MSI1: variants seen among roughly 807,000 people sequenced by gnomAD.
The protein encoded by MSI1 is RNA-binding protein Musashi homolog 1.
MSI1 carries 15 observed loss-of-function variants against 54.4 expected under a neutral mutation model. The observed-to-expected ratio is 0.28, with a 90% CI of 0.18 to 0.42. MSI1 has a LOEUF of 0.42. Ranked by LOEUF, MSI1 falls within the 20% of genes least tolerant of loss-of-function variation. The pLI is 1.00. For missense variants in MSI1, 304 were observed against 506.0 expected, an observed-to-expected ratio of 0.60 and a Z score of 3.83; for synonymous variants, 200 against 196.5, an observed-to-expected ratio of 1.02 and a Z score of -0.15.
chr12:120,353,540 C>T (rs1338944326), intron 9 of MSI1, among the ~76,000 whole-genome samples, 161 bp from the exon 10 acceptor site: 1 of 152,234 alleles, frequency 6.6e-6, no homozygotes, highest in African/African-American at 2.4e-5. Context: ...GCCAAGCACA[C>T]TGCACACTAT....
intron 9 of MSI1, among the ~76,000 whole-genome samples, chr12:120,355,144 G>A (rs1197995399): frequency 6.6e-6 from 1 of 151,130 alleles, no homozygotes. Context: ...GGTGGCTCAC[G>A]CCTGTAATCC....
At chr12:120,357,921 A>G in intron 7 of MSI1, 23 bp from the exon 8 acceptor site, 1 of 1,611,530 alleles carries the variant, frequency 6.2e-7, no homozygotes, top group Non-Finnish European at 8.5e-7. Context: ...CAAAGGATAA[A>G]GGCAAGGTCA....
In MSI1 at chr12:120,368,293, T is replaced by G; in HGVS notation, c.101-20A>C. ...GCCCTTCTGTAACCACACACCCGCC[T>G]TCGGACCAGCCCGGGCCCCGCGCCC... On this transcript the variant is annotated intron_variant, in intron 2 of 14. Coordinates refer to ENST00000257552, the MANE Select transcript of MSI1 (RefSeq NM_002442.4). This position sits in a 1 kb window ranked among gnomAD's most constrained non-coding sequence, Gnocchi z 6.6. The G allele has an allele frequency of 6.4e-7, 1 of 1,551,286 alleles. No homozygotes were observed. Among genetic ancestry groups the G allele is most frequent in the South Asian group, 1.2e-5 (1 of 84,320 alleles).
At chr12:120,359,115 A>C (rs1875412326) in intron 6 of MSI1, 62 bp from the exon 7 acceptor site, 2 of 1,545,670 alleles carry the variant, frequency 1.3e-6, no homozygotes, top group African/African-American at 2.7e-5. Context: ...ACCACCAAGG[A>C]ACAGGGGCTC....
At chr12:120,361,913 G>A (rs1197775632) in intron 6 of MSI1, among the ~76,000 whole-genome samples, 1 of 151,818 alleles carries the variant, frequency 6.6e-6, no homozygotes, top group African/African-American at 2.4e-5. Context: ...CGCCGGCCCC[G>A]GGGGCAGGCG....
At chr12:120,360,237 AG>A (rs1295369811) in intron 6 of MSI1, among the ~76,000 whole-genome samples, 1 of 152,136 alleles carries the variant, frequency 6.6e-6, no homozygotes, top group Non-Finnish European at 1.5e-5. Flanking sequence ...CACCCGCCTC[AG>A]CCTCCCAAAG....
intron 10 of MSI1, 119 bp downstream of exon 10, chr12:120,353,180 C>T: frequency 1.0e-6 from 1 of 979,900 alleles, no homozygotes; most frequent in Non-Finnish European, 1.6e-6. Context: ...CATGCCCTTC[C>T]TTCCAAGCCT....
At position 120,346,201 on chromosome 12, in the gene MSI1, C is replaced by T. The variant is rs373863588; in HGVS notation, c.981G>A (p.Ser327=). Residue 327 remains serine, a synonymous_variant, in exon 13 of 15, where the codon TCG becomes TCA. Transcript: ENST00000257552. ...AELYGAANQD[S]GVSSYISAAS... is the part of the protein sequence containing the mutation. ...CGGCGCTGATGTAACTGCTGACCCCCGAGTCCTGGTTGGCCGCCCCGTAGA... is the reference window on the plus strand; with the variant it reads ...CGGCGCTGATGTAACTGCTGACCCCTGAGTCCTGGTTGGCCGCCCCGTAGA... 90 of 1,599,936 alleles carry T rather than the reference C, an allele frequency of 5.6e-5. No individual in the cohort carries two copies. In the East Asian group the frequency reaches 1.5e-3, roughly 27 times the overall value.
intron 7 of MSI1, 79 bp from the exon 8 acceptor site, chr12:120,357,977 T>C: frequency 1.7e-6 from 2 of 1,155,822 alleles, no homozygotes; most frequent in Non-Finnish European, 2.6e-6. Flanking sequence ...CGTACCAATA[T>C]CCCCGCTCCT....
At chr12:120,360,224 A>T (rs984724557) in intron 6 of MSI1, among the ~76,000 whole-genome samples, 3 of 152,070 alleles carry the variant, frequency 2.0e-5, no homozygotes, top group Non-Finnish European at 4.4e-5. Flanking sequence ...GCCTCAAGTG[A>T]TCCACCCGCC....
chr12:120,357,037 G>C lies in MSI1; in HGVS notation c.535-18C>G. On this transcript the variant is annotated intron_variant, in intron 8 of 14. Coordinates refer to ENST00000257552, the MANE Select transcript of MSI1 (RefSeq NM_002442.4). ...CATTCCACCTGCAATGAGACCTGGC[G>C]GTTAGTCTTTCCCACAGAGCTAGAG... 1 of 1,606,898 alleles carries C rather than the reference G, an allele frequency of 6.2e-7. No individual in the cohort carries two copies. The highest frequency in any genetic ancestry group is 8.5e-7 in the Non-Finnish European group (1 of 1,173,370).
intron 9 of MSI1, 41 bp downstream of exon 9, chr12:120,356,861 G>A (rs1264523135): frequency 6.3e-7 from 1 of 1,579,510 alleles, no homozygotes; most frequent in South Asian, 1.1e-5. Context: ...CCTGGGAGCA[G>A]TTCTGGCAGA....
chr12:120,358,265 T>C (rs1875311641), intron 7 of MSI1, among the ~76,000 whole-genome samples: 2 of 152,262 alleles, frequency 1.3e-5, no homozygotes, highest in African/African-American at 4.8e-5. Flanking sequence ...AAGGTGTACA[T>C]GTCCAAACAT....
chr12:120,368,952 G>A lies in MSI1; in HGVS notation c.60-79C>T. ...GCAGGGGGCGCGGGCCCGGGCTCCG[G>A]GGAGGCCCGGCCGGACCCGGATCGG... On this transcript the variant is annotated intron_variant, in intron 1 of 14. Transcript: ENST00000257552. This position sits in a 1 kb window ranked among gnomAD's most constrained non-coding sequence, Gnocchi z 6.6. 1.6e-6 allele frequency: 2 copies of A among 1,223,474 alleles called. No homozygotes were observed. Among genetic ancestry groups the A allele is most frequent in the African/African-American group, 1.6e-5 (1 of 61,924 alleles). The allele number at this position is 1,223,474 out of a possible 1,614,324, so 75.8% of individuals were successfully genotyped here.
At chr12:120,350,208 G>A (rs1228603756) in intron 11 of MSI1, among the ~76,000 whole-genome samples, 3 of 152,076 alleles carry the variant, frequency 2.0e-5, no homozygotes, top group Non-Finnish European at 4.4e-5. Flanking sequence ...ATTTTTTTTA[G>A]TAGAGATGGG....
chr12:120,345,492 G>C, intron 14 of MSI1, 78 bp downstream of exon 14: 1 of 1,296,084 alleles, frequency 7.7e-7, no homozygotes, highest in Non-Finnish European at 1.1e-6. Flanking sequence ...CAGGGATGGG[G>C]TCTGTGTCCC....
chr12:120,344,382 G>T (rs560360828), intron 14 of MSI1, among the ~76,000 whole-genome samples: 1 of 152,272 alleles, frequency 6.6e-6, no homozygotes, highest in South Asian at 2.1e-4. Flanking sequence ...CCCATATCTT[G>T]ATCAATGCTG....
chr12:120,361,970 T>A (rs1387041666), intron 6 of MSI1, among the ~76,000 whole-genome samples: 1 of 151,198 alleles, frequency 6.6e-6, no homozygotes, highest in African/African-American at 2.4e-5. Context: ...GCTCTAATGC[T>A]CGGCGCTCAG....
At chr12:120,356,830 A>G in intron 9 of MSI1, 72 bp downstream of exon 9, 1 of 1,353,634 alleles carries the variant, frequency 7.4e-7, no homozygotes, top group South Asian at 1.2e-5. Flanking sequence ...GAGGTGCAAC[A>G]CCCACACAGC....
Sources: allele counts gnomAD v4.1 joint callset (sites outside exome capture counted in the v4.1 genomes callset), GRCh38; gene constraint gnomAD v4.1.1; non-coding constraint Gnocchi (gnomAD v3.1); transcripts MANE v1.5; gene names NCBI Gene and HGNC (gene_info 2026-07-23, HGNC 2026-07-21).